The following FHIT variants were observed in gnomAD, a reference collection of about 807,000 sequenced individuals.
FHIT encodes fragile histidine triad diadenosine triphosphatase, also known as bis(5'-adenosyl)-triphosphatase.
In FHIT, 19 loss-of-function variants were observed where a neutral mutation model predicts 17.9. The observed-to-expected ratio is 1.06, with a 90% CI of 0.74 to 1.56. The LOEUF is 1.56. FHIT is among the 40% of genes most tolerant of loss of function. The pLI, the probability that FHIT is intolerant of heterozygous loss-of-function variation, is 0.00. For missense variants in FHIT, 248 were observed against 189.2 expected (o/e 1.31, Z -1.82); for synonymous variants, 81 against 69.7 (o/e 1.16, Z -0.81).
At chr3:60,105,302 T>C (rs1334474428) in intron 5 of FHIT, among the ~76,000 whole-genome samples, 1 of 152,232 alleles carries the variant, frequency 6.6e-6, no homozygotes, top group East Asian at 1.9e-4. Context: ...ATTGTTACTC[T>C]ACAGGACTTA....
At chr3:59,896,220 G>A (rs756085181) in intron 8 of FHIT, among the ~76,000 whole-genome samples, 10 of 152,166 alleles carry the variant, frequency 6.6e-5, no homozygotes, top group Non-Finnish European at 1.3e-4. Flanking sequence ...TCCCAAGCAA[G>A]CACAGTGCCT....
chr3:60,470,483 C>T (rs1000592210), intron 5 of FHIT, among the ~76,000 whole-genome samples: 1 of 151,876 alleles, frequency 6.6e-6, no homozygotes, highest in Non-Finnish European at 1.5e-5. Flanking sequence ...ATCTCTCTGA[C>T]CACCACTGCT....
At chr3:60,021,840 G>C (rs547663808) in intron 5 of FHIT, among the ~76,000 whole-genome samples, 2 of 152,164 alleles carry the variant, frequency 1.3e-5, no homozygotes, top group Non-Finnish European at 2.9e-5. Flanking sequence ...GTGTTTACTA[G>C]AGTGGGATAG....
At chr3:60,171,873 T>TA (rs999747938) in intron 5 of FHIT, among the ~76,000 whole-genome samples, 14 of 34,888 alleles carry the variant, frequency 4.0e-4, no homozygotes, top group African/African-American at 1.2e-3. Flanking sequence ...GCCCAGCTAT[T>TA]TTTTTTTTAT....
At chr3:60,410,548 C>T (rs1702024807) in intron 5 of FHIT, among the ~76,000 whole-genome samples, 1 of 152,012 alleles carries the variant, frequency 6.6e-6, no homozygotes, top group South Asian at 2.1e-4. Context: ...CATTTTTTTA[C>T]TTTGAAAAGT....
intron 3 of FHIT, chr3:60,856,544 C>A (rs930882514): frequency 2.0e-5 from 3 of 152,104 alleles, no homozygotes; most frequent in African/African-American, 4.8e-5. Context: ...CAGTGCTCTA[C>A]ACACTTGGGG....
At chr3:60,681,280 T>C (rs1257736237) in intron 4 of FHIT, among the ~76,000 whole-genome samples, 1 of 152,200 alleles carries the variant, frequency 6.6e-6, no homozygotes, top group Non-Finnish European at 1.5e-5. Context: ...GATGTTCCTA[T>C]TGTAAGTGTT....
At chr3:60,325,393 TTTC>T (rs1416680087) in intron 5 of FHIT, among the ~76,000 whole-genome samples, 2 of 152,186 alleles carry the variant, frequency 1.3e-5, no homozygotes, top group Non-Finnish European at 2.9e-5. Flanking sequence ...TGTTTAAAAG[TTTC>T]TTTACACATC....
chr3:61,203,886 T>G (rs895956569), intron 1 of FHIT, among the ~76,000 whole-genome samples: 1 of 152,232 alleles, frequency 6.6e-6, no homozygotes, highest in South Asian at 2.1e-4. Flanking sequence ...TCACAGAGAT[T>G]TGTACAATGT....
intron 2 of FHIT, among the ~76,000 whole-genome samples, chr3:61,112,479 C>T (rs981788959): frequency 2.0e-5 from 3 of 152,140 alleles, no homozygotes; most frequent in Non-Finnish European, 4.4e-5. Flanking sequence ...CCTGACAACA[C>T]CCTGGTCCCT....
intron 8 of FHIT, among the ~76,000 whole-genome samples, chr3:59,759,611 C>CACTTCT (rs1701400124): frequency 6.6e-6 from 1 of 152,208 alleles, no homozygotes; most frequent in African/African-American, 2.4e-5. Flanking sequence ...TTCTATCATT[C>CACTTCT]ACTTCTCAAA....
chr3:60,623,851 G>A (rs148756293), intron 4 of FHIT, among the ~76,000 whole-genome samples: 5 of 152,258 alleles, frequency 3.3e-5, no homozygotes, highest in East Asian at 3.9e-4. Flanking sequence ...GCCAGTTGGA[G>A]GGAACAGAAG....
At chr3:59,862,029 G>A (rs1449282755) in intron 8 of FHIT, among the ~76,000 whole-genome samples, 1 of 151,856 alleles carries the variant, frequency 6.6e-6, no homozygotes, top group Non-Finnish European at 1.5e-5. Context: ...AAAAAAACCT[G>A]TAACTGATGC....
chr3:60,967,413 G>C (rs943131249), intron 3 of FHIT, among the ~76,000 whole-genome samples: 1 of 152,170 alleles, frequency 6.6e-6, no homozygotes, highest in African/African-American at 2.4e-5. Flanking sequence ...TGTCAAATTT[G>C]ACAGGAAGGA....
At position 61,103,711 on chromosome 3, in the gene FHIT, G is replaced by A. The variant is rs570736929; in HGVS notation, c.-163-61612C>T. 9.9e-5 allele frequency among the ~76,000 whole-genome samples: 15 copies of A among 152,194 alleles called. No homozygotes were observed. The South Asian group carries it at 3.1e-3, about 32-fold the overall frequency. On this transcript the variant is annotated intron_variant, in intron 2 of 9. Transcript: ENST00000492590. ...TCTATGTCTCTTTGTAGGTCTCTGAGGACTTGCTTTATGAATCTGGGTGCT... is the reference window on the plus strand; with the variant it reads ...TCTATGTCTCTTTGTAGGTCTCTGAAGACTTGCTTTATGAATCTGGGTGCT...
chr3:60,892,888 T>TA (rs1412168323), intron 3 of FHIT, among the ~76,000 whole-genome samples: 4 of 152,186 alleles, frequency 2.6e-5, no homozygotes, highest in Non-Finnish European at 4.4e-5. Context: ...ATGCATGGAT[T>TA]AAAAAAATAC....
intron 7 of FHIT, among the ~76,000 whole-genome samples, chr3:59,927,539 G>A (rs1468727712): frequency 2.0e-5 from 3 of 151,150 alleles, no homozygotes; most frequent in Non-Finnish European, 2.9e-5. Flanking sequence ...AGGCCGAGGC[G>A]GGCGGATCAC....
intron 5 of FHIT, among the ~76,000 whole-genome samples, chr3:60,200,704 T>C (rs1702862076): frequency 6.6e-6 from 1 of 151,534 alleles, no homozygotes; most frequent in African/African-American, 2.4e-5. Context: ...GAACTTTTAA[T>C]TAGGTTCCAA....
At chr3:60,429,225 T>C (rs1156396902) in intron 5 of FHIT, among the ~76,000 whole-genome samples, 1 of 152,054 alleles carries the variant, frequency 6.6e-6, no homozygotes, top group Non-Finnish European at 1.5e-5. Context: ...GTTAAAACTC[T>C]TATAAATACC....
Sources: gnomAD v4.1 joint callset for allele counts (sites outside exome capture counted in the v4.1 genomes callset) on GRCh38, gnomAD v4.1.1 for gene constraint, MANE v1.5 for transcripts, NCBI Gene and HGNC (gene_info 2026-07-23, HGNC 2026-07-21) for gene names.